The following GOSR1 variants were observed in gnomAD, a reference collection of about 807,000 sequenced individuals.
GOSR1 encodes 28 kDa Golgi SNARE protein.
Under a neutral mutation model 35.5 loss-of-function variants are expected in GOSR1, and 21 were observed. The observed-to-expected ratio is 0.59, with a 90% confidence interval of 0.42 to 0.85. GOSR1 has a LOEUF of 0.85. Ranked by LOEUF, GOSR1 falls within the 40% of genes least tolerant of loss-of-function variation. GOSR1 has a pLI of 0.00. For synonymous variants in GOSR1, 94 were observed against 106.6 expected (o/e 0.88, Z 0.73); for missense variants, 285 against 309.6 (o/e 0.92, Z 0.60).
rs1597798858 is a variant in GOSR1, at chr17:30,517,205, T to C, written c.540-2734T>C. The stretch of plus-strand genomic sequence containing the variant: ...TTCATTTTTCTTTATTAGATATTTA[T>C]ATATTATCGAAGTACATTTGTATAT... On this transcript the variant is annotated intron_variant, in intron 7 of 8. Transcript: ENST00000451249. Among the ~76,000 whole-genome samples, 6 of 152,370 alleles carry C rather than the reference T, an allele frequency of 3.9e-5. 1 individual carries two copies. The highest frequency in any genetic ancestry group is 3.9e-4 in the Admixed American group (6 of 15,298).
At chr17:30,520,691 A>G (rs535110999) in intron 8 of GOSR1, among the ~76,000 whole-genome samples, 1 of 152,284 alleles carries the variant, frequency 6.6e-6, no homozygotes. Context: ...TTCCTCCCCA[A>G]CTGCCAAAGG....
chr17:30,486,372 C>T (rs548506831), intron 4 of GOSR1, among the ~76,000 whole-genome samples: 50 of 151,952 alleles, frequency 3.3e-4, no homozygotes, highest in Middle Eastern at 3.4e-3. Flanking sequence ...CAAAAATTAG[C>T]GGGGCGTGGT....
intron 7 of GOSR1, among the ~76,000 whole-genome samples, chr17:30,518,753 A>AC (rs1967912724): frequency 6.6e-6 from 1 of 151,876 alleles, no homozygotes; most frequent in Non-Finnish European, 1.5e-5. Flanking sequence ...ACATAGGGAG[A>AC]CCCCATCTCT....
rs1567922365 is a variant in GOSR1, at chr17:30,523,661, C to T, written c.*1283C>T. The T allele has an allele frequency of 7.0e-6, 1 of 142,656 alleles. No homozygotes were observed. The highest frequency in any genetic ancestry group is 1.4e-5 in the Non-Finnish European group (1 of 71,018). The allele number at this position is 142,656 out of a possible 1,614,324, so 8.8% of individuals were successfully genotyped here. On this transcript the variant is annotated 3_prime_UTR_variant, in exon 9 of 9. Transcript: ENST00000451249. ...TGCCCGGCCGCCCCTGCCCGGCCGC[C>T]CCTACTGGGAAGTGAGGAGCCCCTC...
chr17:30,486,429 A>G (rs1475586134), intron 4 of GOSR1, among the ~76,000 whole-genome samples: 1 of 151,872 alleles, frequency 6.6e-6, no homozygotes, highest in Non-Finnish European at 1.5e-5. Flanking sequence ...AGGCAGGAGA[A>G]TAGCTTGAAC....
rs370736848 is a variant in GOSR1, at chr17:30,516,469, C to CAAA, written c.540-3469_540-3467dup. On this transcript the variant is annotated intron_variant, in intron 7 of 8. Coordinates refer to ENST00000451249, the MANE Select transcript of GOSR1 (RefSeq NM_001007025.2). Reference sequence around the variant, plus strand: ...TGGGTGACAGAGCAAGACTCCGTCTCAAACAAAAAAAAAGAAAAAGAAAAA... The same window carrying CAAA: ...TGGGTGACAGAGCAAGACTCCGTCTCAAAAAACAAAAAAAAAGAAAAAGAAAAA... Among the ~76,000 whole-genome samples, 5 of 111,236 alleles carry CAAA rather than the reference C, an allele frequency of 4.5e-5. 1 individual carries two copies. Among genetic ancestry groups the CAAA allele is most frequent in the Non-Finnish European group, 7.0e-5 (4 of 56,942 alleles). 73.0% of individuals were successfully genotyped at this position (111,236 alleles called of 152,430 possible).
intron 6 of GOSR1, among the ~76,000 whole-genome samples, chr17:30,501,028 C>A (rs1353598626): frequency 6.6e-6 from 1 of 151,942 alleles, no homozygotes; most frequent in East Asian, 1.9e-4. Context: ...CTACAGGCGC[C>A]TGCCACGACG....
At chr17:30,504,946 A>G (rs1967346186) in intron 6 of GOSR1, among the ~76,000 whole-genome samples, 1 of 152,260 alleles carries the variant, frequency 6.6e-6, no homozygotes, top group African/African-American at 2.4e-5. Context: ...TGGAAATGAT[A>G]AAGTGTACCT....
intron 4 of GOSR1, among the ~76,000 whole-genome samples, chr17:30,487,556 T>C (rs1469139087): frequency 1.3e-5 from 2 of 152,176 alleles, no homozygotes. Context: ...CAGCAGTATT[T>C]CCAAATAAAA....
chr17:30,492,416 G>T (rs939095798), intron 5 of GOSR1, among the ~76,000 whole-genome samples: 8 of 152,188 alleles, frequency 5.3e-5, no homozygotes, highest in Non-Finnish European at 1.0e-4. Context: ...AGATTGTTTT[G>T]GTTGTTTGTT....
At chr17:30,492,550 A>G (rs1278740829) in intron 5 of GOSR1, 129 bp from the exon 6 acceptor site, 6 of 604,628 alleles carry the variant, frequency 9.9e-6, no homozygotes, top group African/African-American at 3.7e-5. Flanking sequence ...GCAAAGGATT[A>G]TGTACTTTCA....
intron 7 of GOSR1, 48 bp from the exon 8 acceptor site, chr17:30,519,891 G>A (rs1967961966): frequency 1.8e-6 from 2 of 1,126,268 alleles, no homozygotes; most frequent in Non-Finnish European, 1.4e-6. Flanking sequence ...ATGGTTCCAG[G>A]CAGGATAATC....
At chr17:30,490,252 T>C in intron 5 of GOSR1, 35 bp downstream of exon 5, 1 of 1,060,310 alleles carries the variant, frequency 9.4e-7, no homozygotes, top group South Asian at 1.3e-5. Context: ...GTAGAATATT[T>C]ATTCAGATTT....
intron 6 of GOSR1, among the ~76,000 whole-genome samples, chr17:30,505,629 G>A (rs1432481510): frequency 2.0e-5 from 3 of 152,142 alleles, no homozygotes; most frequent in African/African-American, 7.2e-5. Context: ...TATCATATCT[G>A]TTATAGCGAT....
chr17:30,485,206 A>G (rs1914604887), intron 4 of GOSR1: 1 of 198,318 alleles, frequency 5.0e-6, no homozygotes, highest in Non-Finnish European at 1.1e-5. Context: ...AATAAAACTA[A>G]ATAAACTTTT....
At chr17:30,481,299 GT>G in intron 2 of GOSR1, 42 bp downstream of exon 2, 1 of 1,458,828 alleles carries the variant, frequency 6.9e-7, no homozygotes, top group Non-Finnish European at 9.4e-7. Context: ...CCTTAACTGT[GT>G]TTTTAAAGCA....
rs1177707936 is a variant in GOSR1 at position 30,519,938 on chromosome 17, G to A, written c.540-1G>A. The A allele has an allele frequency of 1.9e-6, 3 of 1,582,290 alleles. No homozygotes were observed. The highest frequency in any genetic ancestry group is 2.6e-6 in the Non-Finnish European group (3 of 1,152,108). Reference sequence around the variant, plus strand: ...TTTGTCATCTTTTTTTCCCCTTGCAGCATTGCTATGGCAACAAAAGAAAAT... The same window carrying A: ...TTTGTCATCTTTTTTTCCCCTTGCAACATTGCTATGGCAACAAAAGAAAAT... On this transcript the variant is annotated splice_acceptor_variant, in intron 7 of 8. Coordinates refer to ENST00000451249, the MANE Select transcript of GOSR1 (RefSeq NM_001007025.2). LOFTEE classifies it high-confidence loss of function.
chr17:30,484,716 C>A lies in GOSR1; in HGVS notation c.288C>A (p.Pro96=). 1.2e-6 allele frequency: 2 copies of A among 1,601,800 alleles called. No individual in the cohort carries two copies. Among genetic ancestry groups the A allele is most frequent in the South Asian group, 2.2e-5 (2 of 90,034 alleles). Residue 96 remains proline, a synonymous_variant, in exon 4 of 9, where the codon CCC becomes CCA. Transcript: ENST00000451249. The part of the protein sequence containing the change: ...MAEYTNSAGV[P]SLNAALMHTL... ...AATATACCAACAGTGCAGGTGTCCCCTCCTTGAATGCAGCCCTGATGCATA... is the reference window on the plus strand; with the variant it reads ...AATATACCAACAGTGCAGGTGTCCCATCCTTGAATGCAGCCCTGATGCATA...
chr17:30,489,775 G>A (rs1173875509), intron 4 of GOSR1, among the ~76,000 whole-genome samples: 1 of 152,060 alleles, frequency 6.6e-6, no homozygotes, highest in Non-Finnish European at 1.5e-5. Context: ...GCTCTATTAA[G>A]TATACTACTA....
Sources: allele counts gnomAD v4.1 joint callset (sites outside exome capture counted in the v4.1 genomes callset), GRCh38; gene constraint gnomAD v4.1.1; transcripts MANE v1.5; gene names NCBI Gene and HGNC (gene_info 2026-07-23, HGNC 2026-07-21).